RAP1GAP2: variants seen among roughly 807,000 people sequenced by gnomAD.
The protein encoded by RAP1GAP2 is rap1 GTPase-activating protein 2.
Under a neutral mutation model 95.0 loss-of-function variants are expected in RAP1GAP2, and 27 were observed. The ratio of observed to expected loss-of-function variants is 0.28; its 90% CI spans 0.21 to 0.39. RAP1GAP2 has a LOEUF of 0.39. Ranked by LOEUF, RAP1GAP2 falls within the 10% of genes least tolerant of loss-of-function variation. The pLI, the probability that RAP1GAP2 is intolerant of heterozygous loss-of-function variation, is 1.00. For missense variants in RAP1GAP2, 771 were observed against 970.0 expected (o/e 0.79, Z 2.72); for synonymous variants, 373 against 380.9 (o/e 0.98, Z 0.24).
At chr17:2,966,606 G>A (rs2044609778) in intron 8 of RAP1GAP2, among the ~76,000 whole-genome samples, 2 of 152,210 alleles carry the variant, frequency 1.3e-5, no homozygotes, top group African/African-American at 4.8e-5. Flanking sequence ...GTTTCAGGAT[G>A]TCGTCAGCAC....
upstream of RAP1GAP2, among the ~76,000 whole-genome samples, chr17:2,772,915 A>G (rs1385625530): frequency 2.1e-5 from 3 of 142,834 alleles, no homozygotes; most frequent in Non-Finnish European, 4.5e-5. Context: ...CTGGAGTGCA[A>G]TGGCACAATC....
intron 23 of RAP1GAP2, among the ~76,000 whole-genome samples, chr17:3,031,782 T>C (rs1330031443): frequency 2.9e-5 from 4 of 136,956 alleles, no homozygotes; most frequent in Admixed American, 1.4e-4. Context: ...GAGCTCCAGG[T>C]CCAGATGTGA....
chr17:2,995,515 G>A lies in RAP1GAP2; in HGVS notation c.1044+49G>A, dbSNP rs773896888. On this transcript the variant is annotated intron_variant, in intron 13 of 24. Transcript: ENST00000254695. ...GGGAGCCCAGGGCGGGCGAGGTGAGGGCCTGCCTCTGGTCTGACCTGCTAA... is the reference window on the plus strand; with the variant it reads ...GGGAGCCCAGGGCGGGCGAGGTGAGAGCCTGCCTCTGGTCTGACCTGCTAA... 1.5e-4 allele frequency: 236 copies of A among 1,608,492 alleles called. 2 individuals carry two copies. In the South Asian group the frequency reaches 2.0e-3, roughly 14 times the overall value.
intron 2 of RAP1GAP2, among the ~76,000 whole-genome samples, chr17:2,828,215 C>T (rs1275265451): frequency 1.3e-5 from 2 of 152,040 alleles, no homozygotes; most frequent in Non-Finnish European, 2.9e-5. Flanking sequence ...GTGGTGCACG[C>T]CTGTAATCCC....
chr17:3,007,912 G>A, intron 16 of RAP1GAP2, 99 bp from the exon 17 acceptor site: 1 of 1,423,776 alleles, frequency 7.0e-7, no homozygotes, highest in South Asian at 1.3e-5. Context: ...GGGCTGGGCA[G>A]AATGTCAGCC....
intron 17 of RAP1GAP2, among the ~76,000 whole-genome samples, chr17:3,012,043 C>T (rs1401765399): frequency 6.6e-6 from 1 of 152,138 alleles, no homozygotes; most frequent in African/African-American, 2.4e-5. Flanking sequence ...CAGCACTGAC[C>T]CTTGATCTTT....
At chr17:2,849,995 C>G (rs2071759023) in intron 2 of RAP1GAP2, among the ~76,000 whole-genome samples, 1 of 145,384 alleles carries the variant, frequency 6.9e-6, no homozygotes, top group African/African-American at 2.5e-5. Context: ...CCTAACACTG[C>G]CTGCTTTTTT....
intron 2 of RAP1GAP2, among the ~76,000 whole-genome samples, chr17:2,868,889 A>G (rs760233505): frequency 6.6e-5 from 10 of 152,258 alleles, no homozygotes; most frequent in Non-Finnish European, 1.5e-4. Context: ...CCATAGACTG[A>G]GTGGCTTAAA....
At chr17:2,790,794 C>A (rs1004459815) in intron 1 of RAP1GAP2, among the ~76,000 whole-genome samples, 1 of 152,228 alleles carries the variant, frequency 6.6e-6, no homozygotes, top group Non-Finnish European at 1.5e-5. Flanking sequence ...CCCTTCCTCC[C>A]GTCCTGCCCC....
At chr17:3,007,217 A>C (rs2151611254) in intron 16 of RAP1GAP2, among the ~76,000 whole-genome samples, 1 of 152,248 alleles carries the variant, frequency 6.6e-6, no homozygotes, top group East Asian at 1.9e-4. Flanking sequence ...CAGATCCAGA[A>C]GGGCTTTGAG....
intron 8 of RAP1GAP2, among the ~76,000 whole-genome samples, chr17:2,977,470 C>T (rs113625562): frequency 1.3e-5 from 2 of 152,048 alleles, no homozygotes; most frequent in African/African-American, 4.8e-5. Context: ...TCAAGCTGGG[C>T]GTGGTGGCTC....
chr17:2,971,091 T>G (rs1168805416), intron 8 of RAP1GAP2, among the ~76,000 whole-genome samples: 3 of 152,212 alleles, frequency 2.0e-5, no homozygotes, highest in Non-Finnish European at 4.4e-5. Flanking sequence ...GTAACTAACT[T>G]ACTTGTAGGT....
At position 2,969,085 on chromosome 17, in the gene RAP1GAP2, C is replaced by T. The variant is rs1017288934; in HGVS notation, c.596+3442C>T. Reference sequence around the variant, plus strand: ...CAATTGTAATGGTAGATTTTTAACACACATCACTTGACATATCAATACTAG... The same window carrying T: ...CAATTGTAATGGTAGATTTTTAACATACATCACTTGACATATCAATACTAG... On this transcript the variant is annotated intron_variant, in intron 8 of 24. Coordinates refer to ENST00000254695, the MANE Select transcript of RAP1GAP2 (RefSeq NM_015085.5). 3.9e-5 allele frequency among the ~76,000 whole-genome samples: 6 copies of T among 152,030 alleles called. No individual in the cohort carries two copies. In the East Asian group the frequency reaches 1.2e-3, roughly 29 times the overall value.
intron 2 of RAP1GAP2, among the ~76,000 whole-genome samples, chr17:2,850,836 G>A (rs2071815330): frequency 6.6e-6 from 1 of 151,710 alleles, no homozygotes; most frequent in Non-Finnish European, 1.5e-5. Context: ...CAAGGCAGGC[G>A]GATCACCTGA....
In RAP1GAP2 at chr17:2,804,626, G is replaced by A. The variant is rs539182868; in HGVS notation, c.80+4076G>A. Among the ~76,000 whole-genome samples the A allele has an allele frequency of 4.7e-4, 72 of 152,360 alleles. 1 individual carries two copies. Among genetic ancestry groups the A allele is most frequent in the African/African-American group, 1.7e-3 (70 of 41,592 alleles). On this transcript the variant is annotated intron_variant, in intron 2 of 24. Transcript: ENST00000254695. The stretch of plus-strand genomic sequence containing the variant: ...ACCGTGGGTGAGAAGGCCGCCCCTG[G>A]TTTGCTGGGGCCCATCCCCTTGCTG...
chr17:2,880,578 T>C (rs1054356176), intron 2 of RAP1GAP2, among the ~76,000 whole-genome samples: 9 of 151,764 alleles, frequency 5.9e-5, no homozygotes, highest in Non-Finnish European at 4.4e-5. Context: ...TCACTACCAT[T>C]CTCCAGACCA....
chr17:2,790,224 C>T (rs1426404274), intron 1 of RAP1GAP2, among the ~76,000 whole-genome samples: 4 of 151,968 alleles, frequency 2.6e-5, no homozygotes, highest in South Asian at 2.1e-4. Flanking sequence ...GCAATTCTCC[C>T]GCCTCAGCCT....
rs559467324 is a variant in RAP1GAP2 at position 2,865,501 on chromosome 17, A to G, written c.81-39783A>G. On this transcript the variant is annotated intron_variant, in intron 2 of 24. Coordinates refer to ENST00000254695, the MANE Select transcript of RAP1GAP2 (RefSeq NM_015085.5). ...CAGAAATTCTCACTTCTCGATATGA[A>G]CTGGAAGGTCCCGGCTGCAGCCTGG... Among the ~76,000 whole-genome samples, 6 of 152,268 alleles carry G rather than the reference A, an allele frequency of 3.9e-5. No homozygotes were observed. The South Asian group carries it at 1.2e-3, about 32-fold the overall frequency.
At chr17:2,789,934 G>A (rs2068881871) in intron 1 of RAP1GAP2, among the ~76,000 whole-genome samples, 1 of 152,062 alleles carries the variant, frequency 6.6e-6, no homozygotes, top group African/African-American at 2.4e-5. Flanking sequence ...AATTTAGTCT[G>A]GACCTTGAGA....
Sources: allele counts gnomAD v4.1 joint callset (sites outside exome capture counted in the v4.1 genomes callset), GRCh38; gene constraint gnomAD v4.1.1; transcripts MANE v1.5; gene names NCBI Gene and HGNC (gene_info 2026-07-23, HGNC 2026-07-21).